The following CCDC85A variants were observed in gnomAD, a reference collection of about 807,000 sequenced individuals.
CCDC85A encodes the protein coiled-coil domain-containing protein 85A.
A neutral mutation model predicts 50.2 loss-of-function variants in CCDC85A; 38 were observed. The observed-to-expected ratio is 0.76, with a 90% CI of 0.58 to 0.99. The LOEUF is 0.99. Ranked by LOEUF, CCDC85A falls within the 50% of genes least tolerant of loss-of-function variation. The pLI, the probability that CCDC85A is intolerant of heterozygous loss-of-function variation, is 0.00. For synonymous variants in CCDC85A, 366 were observed against 301.4 expected (o/e 1.21, Z -2.22); for missense variants, 820 against 742.0 (o/e 1.11, Z -1.22).
At chr2:56,354,682 A>C (rs186229816) in intron 3 of CCDC85A, among the ~76,000 whole-genome samples, 163 of 152,328 alleles carry the variant, frequency 1.1e-3, no homozygotes, top group Non-Finnish European at 1.8e-3. Flanking sequence ...GCATGTTAAC[A>C]CATGACACTA....
intron 5 of CCDC85A, chr2:56,379,866 T>C (rs1403794571): frequency 1.2e-6 from 1 of 864,696 alleles, no homozygotes; most frequent in Non-Finnish European, 1.4e-6. Flanking sequence ...TAATGTGCTT[T>C]ATTGTGTATT....
intron 2 of CCDC85A, among the ~76,000 whole-genome samples, chr2:56,233,445 G>A (rs984391391): frequency 1.3e-5 from 2 of 152,100 alleles, no homozygotes; most frequent in African/African-American, 4.8e-5. Flanking sequence ...GTAAATATTA[G>A]GCTGGCTTTG....
At chr2:56,333,858 A>G (rs1673944382) in intron 2 of CCDC85A, among the ~76,000 whole-genome samples, 4 of 152,214 alleles carry the variant, frequency 2.6e-5, no homozygotes, top group Non-Finnish European at 5.9e-5. Flanking sequence ...AAAGAGCACA[A>G]GGCTTTAAAA....
chr2:56,381,341 A>C (rs1037844589), intron 5 of CCDC85A, among the ~76,000 whole-genome samples: 1 of 152,082 alleles, frequency 6.6e-6, no homozygotes, highest in South Asian at 2.1e-4. Context: ...GTTGCTTCTC[A>C]TCTATTGACT....
chr2:56,191,660 G>A (rs1401127557), intron 1 of CCDC85A, among the ~76,000 whole-genome samples: 1 of 152,226 alleles, frequency 6.6e-6, no homozygotes, highest in Admixed American at 6.5e-5. Context: ...AACAGAAAGA[G>A]GGGGCATTTG....
rs1369175596 is a variant in CCDC85A at position 56,192,605 on chromosome 2, G to T, written c.405G>T (p.Gly135=). The T allele has an allele frequency of 1.2e-6, 2 of 1,613,958 alleles. No individual in the cohort carries two copies. The highest frequency in any genetic ancestry group is 1.7e-6 in the Non-Finnish European group (2 of 1,179,868). Residue 135 remains glycine (G), a synonymous_variant, in exon 2 of 6, where the codon GGG becomes GGT. Coordinates refer to ENST00000407595, the MANE Select transcript of CCDC85A (RefSeq NM_001080433.2). This position sits in a 1 kb window ranked among gnomAD's most constrained non-coding sequence, Gnocchi z 4.7. The part of the protein sequence containing the change: ...EWQRLGRYTA[G]VMHKEVALYL... ...AGAGACTGGGTCGCTACACTGCCGG[G>T]GTGATGCACAAGGAAGTGGCCTTAT...
intron 3 of CCDC85A, 112 bp from the exon 4 acceptor site, chr2:56,372,232 C>A: frequency 9.4e-7 from 1 of 1,067,452 alleles, no homozygotes; most frequent in Non-Finnish European, 1.3e-6. Flanking sequence ...TTACAGCTTG[C>A]CATTGTGGTC....
intron 2 of CCDC85A, among the ~76,000 whole-genome samples, chr2:56,316,897 A>G (rs1672945916): frequency 6.6e-6 from 1 of 152,156 alleles, no homozygotes; most frequent in Admixed American, 6.6e-5. Flanking sequence ...TAGTTGCCAC[A>G]GAGATTTTTA....
chr2:56,280,030 A>G (rs1671133512), intron 2 of CCDC85A, among the ~76,000 whole-genome samples: 1 of 152,340 alleles, frequency 6.6e-6, no homozygotes, highest in South Asian at 2.1e-4. Context: ...CAAAAGGAAT[A>G]TGGCATTTTA....
chr2:56,315,589 G>A (rs898369835), intron 2 of CCDC85A, among the ~76,000 whole-genome samples: 6 of 152,148 alleles, frequency 3.9e-5, no homozygotes, highest in African/African-American at 1.4e-4. Context: ...ATGGGATTCA[G>A]TGTTAATCTG....
At chr2:56,338,638 T>A (rs1189031463) in intron 2 of CCDC85A, among the ~76,000 whole-genome samples, 1 of 152,146 alleles carries the variant, frequency 6.6e-6, no homozygotes, top group African/African-American at 2.4e-5. Context: ...GCTTACATTT[T>A]AAAAAATTTA....
At chr2:56,279,003 A>G (rs1048007149) in intron 2 of CCDC85A, among the ~76,000 whole-genome samples, 3 of 152,232 alleles carry the variant, frequency 2.0e-5, no homozygotes, top group African/African-American at 7.2e-5. Flanking sequence ...AACTACTGCC[A>G]AGGATCAACA....
chr2:56,362,857 C>G (rs747018573), intron 3 of CCDC85A, among the ~76,000 whole-genome samples: 28 of 152,212 alleles, frequency 1.8e-4, no homozygotes, highest in Admixed American at 6.5e-4. Context: ...CTCCTGACCT[C>G]AGGTGATCTG....
chr2:56,367,083 A>G (rs921583236), intron 3 of CCDC85A, among the ~76,000 whole-genome samples: 3 of 152,068 alleles, frequency 2.0e-5, no homozygotes. Context: ...AAGCTTTATG[A>G]TCTTCCATAA....
At chr2:56,251,697 T>C (rs900996900) in intron 2 of CCDC85A, among the ~76,000 whole-genome samples, 4 of 152,034 alleles carry the variant, frequency 2.6e-5, no homozygotes, top group African/African-American at 7.2e-5. Context: ...GGACTCCTTG[T>C]CTACTCTCCC....
At chr2:56,218,042 TACA>T (rs1444495154) in intron 2 of CCDC85A, among the ~76,000 whole-genome samples, 1 of 151,876 alleles carries the variant, frequency 6.6e-6, no homozygotes, top group African/African-American at 2.4e-5. Context: ...CCTTGTCTGA[TACA>T]ACATCTTGTG....
At chr2:56,232,609 A>G (rs1668820371) in intron 2 of CCDC85A, among the ~76,000 whole-genome samples, 1 of 152,058 alleles carries the variant, frequency 6.6e-6, no homozygotes, top group African/African-American at 2.4e-5. Flanking sequence ...GCCTTCCACT[A>G]TGATTGTAAG....
intron 2 of CCDC85A, among the ~76,000 whole-genome samples, chr2:56,287,002 G>A (rs1006756707): frequency 6.6e-6 from 1 of 152,066 alleles, no homozygotes; most frequent in Non-Finnish European, 1.5e-5. Flanking sequence ...TTTCTCCAAG[G>A]GGTGCCCTTT....
At chr2:56,260,502 A>G (rs767653006) in intron 2 of CCDC85A, among the ~76,000 whole-genome samples, 5 of 152,352 alleles carry the variant, frequency 3.3e-5, no homozygotes, top group Non-Finnish European at 4.4e-5. Context: ...AATTTGTCCA[A>G]TCTTTTTTTA....
Sources: gnomAD v4.1 joint callset for allele counts (sites outside exome capture counted in the v4.1 genomes callset) on GRCh38, gnomAD v4.1.1 for gene constraint, Gnocchi (gnomAD v3.1) non-coding constraint, MANE v1.5 for transcripts, NCBI Gene and HGNC (gene_info 2026-07-23, HGNC 2026-07-21) for gene names.